UBE4A: variants seen among roughly 807,000 people sequenced by gnomAD.
UBE4A encodes ubiquitin conjugation factor E4 A.
Under a neutral mutation model 117.9 loss-of-function variants are expected in UBE4A, and 48 were observed. The observed-to-expected ratio is 0.41, with a 90% CI of 0.32 to 0.52. The LOEUF (loss-of-function observed/expected upper bound fraction) is 0.52. Ranked by LOEUF, UBE4A falls within the 20% of genes least tolerant of loss-of-function variation. The probability of loss-of-function intolerance (pLI) is 0.33; values close to 1 mark genes in which losing one functional copy is unlikely to be tolerated. For synonymous variants in UBE4A, 407 were observed against 450.0 expected, an observed-to-expected ratio of 0.90 and a Z score of 1.21; for missense variants, 1,067 against 1,296.3, an observed-to-expected ratio of 0.82 and a Z score of 2.72.
chr11:118,375,923 G>A (rs1233100257), intron 9 of UBE4A, among the ~76,000 whole-genome samples: 1 of 152,210 alleles, frequency 6.6e-6, no homozygotes, highest in African/African-American at 2.4e-5. Context: ...TTCTGCAGAA[G>A]TTGGAGGTCT....
chr11:118,381,329 GTTGT>G (rs1456556426), intron 11 of UBE4A, 58 bp from the exon 12 acceptor site: 1 of 1,570,700 alleles, frequency 6.4e-7, no homozygotes, highest in African/African-American at 1.4e-5. Flanking sequence ...GAATTTAAAT[GTTGT>G]TTATTAGTAC....
At chr11:118,377,611 C>G (rs1948664273) in intron 10 of UBE4A, among the ~76,000 whole-genome samples, 2 of 151,776 alleles carry the variant, frequency 1.3e-5, no homozygotes, top group Admixed American at 1.3e-4. Context: ...GCACTTTCTG[C>G]TCTTAAATTT....
intron 19 of UBE4A, among the ~76,000 whole-genome samples, chr11:118,393,877 T>C (rs1419674980): frequency 6.6e-6 from 1 of 151,844 alleles, no homozygotes; most frequent in Non-Finnish European, 1.5e-5. Context: ...ATTATAGGCA[T>C]GAGCCACCTC....
At chr11:118,388,901 T>C (rs1468163698) in intron 16 of UBE4A, among the ~76,000 whole-genome samples, 1 of 152,058 alleles carries the variant, frequency 6.6e-6, no homozygotes, top group African/African-American at 2.4e-5. Context: ...CCCAGGAAGT[T>C]GAGACTGCCT....
chr11:118,364,859 TG>T (rs1948550353), intron 1 of UBE4A, among the ~76,000 whole-genome samples, 180 bp from the exon 2 acceptor site: 1 of 150,326 alleles, frequency 6.7e-6, no homozygotes, highest in Non-Finnish European at 1.5e-5. Context: ...CGAGTCCAGC[TG>T]GTAGGTTTGT....
At chr11:118,374,644 C>T (rs1948635507) in intron 8 of UBE4A, among the ~76,000 whole-genome samples, 1 of 152,196 alleles carries the variant, frequency 6.6e-6, no homozygotes, top group Non-Finnish European at 1.5e-5. Context: ...TATTGTCTAG[C>T]CCTTTGCAGA....
At chr11:118,361,516 T>G (rs1456624437) in intron 1 of UBE4A, among the ~76,000 whole-genome samples, 1 of 152,220 alleles carries the variant, frequency 6.6e-6, no homozygotes, top group East Asian at 1.9e-4. Context: ...CTGTAAAATT[T>G]TTCTATAAGT....
At chr11:118,366,776 A>G (rs1948566756) in intron 2 of UBE4A, among the ~76,000 whole-genome samples, 1 of 152,240 alleles carries the variant, frequency 6.6e-6, no homozygotes, top group Non-Finnish European at 1.5e-5. Context: ...GTCATTCAAC[A>G]TGAATGATGG....
chr11:118,384,090 A>G (rs1416474415), intron 13 of UBE4A, among the ~76,000 whole-genome samples: 3 of 152,154 alleles, frequency 2.0e-5, no homozygotes, highest in Non-Finnish European at 2.9e-5. Context: ...TTTGACTCCA[A>G]ATCCTACACT....
rs75608734 is a variant in UBE4A at position 118,360,197 on chromosome 11, T to C, written c.-42+523T>C. Among the ~76,000 whole-genome samples, 362 of 152,302 alleles carry C rather than the reference T, an allele frequency of 2.4e-3. 2 individuals are homozygous for C. Among genetic ancestry groups the C allele is most frequent in the African/African-American group, 8.5e-3 (353 of 41,552 alleles). On this transcript the variant is annotated intron_variant, in intron 1 of 19. Transcript: ENST00000252108. ...CTCTTGGGGCACTCTGCTTCATGTT[T>C]CCTTGGGTTTAGAAGACACTTCTAA...
At chr11:118,371,854 C>G (rs2134091351) in intron 5 of UBE4A, among the ~76,000 whole-genome samples, 188 bp downstream of exon 5, 1 of 152,286 alleles carries the variant, frequency 6.6e-6, no homozygotes, top group East Asian at 1.9e-4. Context: ...CACTGGATAT[C>G]AGATGCACTA....
chr11:118,368,286 G>A (rs955753608), intron 2 of UBE4A, among the ~76,000 whole-genome samples: 1 of 152,108 alleles, frequency 6.6e-6, no homozygotes, highest in African/African-American at 2.4e-5. Flanking sequence ...TTAAAATCAG[G>A]GAGAAAAGCC....
rs1331587286 is a variant in UBE4A, at chr11:118,382,647, C to T, written c.2068C>T (p.His690Tyr). The T allele has an allele frequency of 2.5e-6, 4 of 1,597,800 alleles. No individual in the cohort carries two copies. The highest frequency in any genetic ancestry group is 4.5e-5 in the East Asian group (2 of 44,156). Residue 690 changes from histidine (H) to tyrosine (Y), a missense_variant, in exon 13 of 20, where the codon CAC (histidine) becomes TAC (tyrosine). By Grantham distance (83) the His-to-Tyr change is moderately conservative. Around this residue, in one of 3 missense-constraint regions of UBE4A, gnomAD observed 1,001 missense variants for 1,184.0 expected, o/e 0.85. Transcript: ENST00000252108. ...LAEVLEAVMP[H>Y]LDQTPNPLVS... ...AGAGGTGTTGGAAGCAGTGATGCCC[C>T]ACCTGGATCAGACCCCAAATCCCTT...
In UBE4A at chr11:118,382,609, G is replaced by A; in HGVS notation, c.2030G>A (p.Arg677Lys). ...SIERMKNPHL[R>K]AKLAEVLEAV... ...TGCAGAATGAAGAATCCCCACCTGAGGGCCAAACTAGCAGAGGTGTTGGAA... is the reference window on the plus strand; with the variant it reads ...TGCAGAATGAAGAATCCCCACCTGAAGGCCAAACTAGCAGAGGTGTTGGAA... The change falls in exon 13 of 20, where the codon AGG becomes AAG. Residue 677 changes from arginine to lysine, a missense_variant. Physicochemically the swap from Arg to Lys is conservative, Grantham distance 26 (BLOSUM62 2). Transcript: ENST00000252108. 6.4e-7 allele frequency: 1 copy of A among 1,559,324 alleles called. No individual in the cohort carries two copies. Among genetic ancestry groups the A allele is most frequent in the Non-Finnish European group, 8.7e-7 (1 of 1,145,894 alleles).
intron 2 of UBE4A, among the ~76,000 whole-genome samples, chr11:118,365,420 C>G (rs1485254682): frequency 1.3e-5 from 2 of 151,790 alleles, no homozygotes; most frequent in East Asian, 1.9e-4. Context: ...CTCCACTGTA[C>G]AAAAAGAGAC....
chr11:118,380,443 A>G (rs1462162954), intron 11 of UBE4A, among the ~76,000 whole-genome samples: 4 of 152,012 alleles, frequency 2.6e-5, no homozygotes, highest in Admixed American at 6.6e-5. Flanking sequence ...TTAGCCAGGC[A>G]TGGTGGTGCA....
At chr11:118,387,648 G>A (rs1948771686) in intron 16 of UBE4A, among the ~76,000 whole-genome samples, 1 of 152,164 alleles carries the variant, frequency 6.6e-6, no homozygotes, top group South Asian at 2.1e-4. Context: ...CCCACAGTGA[G>A]GTATGACATT....
chr11:118,384,140 A>G (rs1018696546), intron 13 of UBE4A, among the ~76,000 whole-genome samples: 4 of 152,220 alleles, frequency 2.6e-5, no homozygotes, highest in Admixed American at 2.0e-4. Flanking sequence ...CTCTAGTAAT[A>G]CCTTTGGTAT....
chr11:118,383,161 A>G (rs1248430574), intron 13 of UBE4A, among the ~76,000 whole-genome samples: 1 of 152,138 alleles, frequency 6.6e-6, no homozygotes, highest in African/African-American at 2.4e-5. Context: ...ATCAGACTCA[A>G]ATTAGACTAT....
Sources: allele counts gnomAD v4.1 joint callset (sites outside exome capture counted in the v4.1 genomes callset), GRCh38; gene constraint gnomAD v4.1.1; regional missense constraint gnomAD v4.1.1; transcripts MANE v1.5; gene names NCBI Gene and HGNC (gene_info 2026-07-23, HGNC 2026-07-21).